MED12L: variants seen among roughly 807,000 people sequenced by gnomAD.
MED12L encodes mediator complex subunit 12L.
A neutral mutation model predicts 281.3 loss-of-function variants in MED12L; 60 were observed. That is an observed-to-expected ratio of 0.21 (90% CI 0.17 to 0.26). MED12L has a LOEUF of 0.26. Among genes scored for constraint, MED12L ranks in the 10% least tolerant of loss-of-function variants. The pLI is 1.00. For synonymous variants in MED12L, 974 were observed against 987.2 expected (o/e 0.99, Z 0.25); for missense variants, 2,146 against 2,680.9 (o/e 0.80, Z 4.41).
chr3:151,382,072 T>C (rs1380179261), intron 32 of MED12L, among the ~76,000 whole-genome samples: 1 of 152,186 alleles, frequency 6.6e-6, no homozygotes, highest in African/African-American at 2.4e-5. Flanking sequence ...AATTTTTCCT[T>C]TTCCAGCATT....
At chr3:151,112,845 A>G (rs972704263) in intron 2 of MED12L, among the ~76,000 whole-genome samples, 4 of 152,210 alleles carry the variant, frequency 2.6e-5, no homozygotes, top group African/African-American at 9.6e-5. Context: ...GTAGTGACTC[A>G]GAATATGCTC....
At chr3:151,087,616 T>A (rs1477636216) in intron 2 of MED12L, among the ~76,000 whole-genome samples, 1 of 152,176 alleles carries the variant, frequency 6.6e-6, no homozygotes, top group Admixed American at 6.5e-5. Context: ...CTAGAGGCAA[T>A]GGGCTTAATT....
intron 16 of MED12L, chr3:151,316,380 A>ATATG (rs1748238298): frequency 6.6e-6 from 1 of 152,198 alleles, no homozygotes; most frequent in Non-Finnish European, 1.5e-5. Flanking sequence ...TGAAGGCACA[A>ATATG]TATGTAGTTT....
chr3:151,247,272 C>G (rs1735759372), intron 16 of MED12L, among the ~76,000 whole-genome samples: 1 of 151,972 alleles, frequency 6.6e-6, no homozygotes, highest in Admixed American at 6.5e-5. Flanking sequence ...GGTATATACC[C>G]AAAGGATTAT....
intron 16 of MED12L, among the ~76,000 whole-genome samples, chr3:151,285,256 G>A (rs1487092958): frequency 6.6e-6 from 1 of 151,950 alleles, no homozygotes; most frequent in Non-Finnish European, 1.5e-5. Context: ...AGGCTGAGGT[G>A]GGCAGATCAC....
intron 16 of MED12L, among the ~76,000 whole-genome samples, chr3:151,252,898 G>A (rs1920395): frequency 0.37 from 55,662 of 151,830 alleles, 10,489 homozygotes; most frequent in East Asian, 0.6. Flanking sequence ...TTGATTTAAA[G>A]CAATGACTGT....
chr3:151,155,250 T>C (rs1464548467), intron 5 of MED12L, among the ~76,000 whole-genome samples: 1 of 152,246 alleles, frequency 6.6e-6, no homozygotes, highest in Non-Finnish European at 1.5e-5. Context: ...TGGGGAAATT[T>C]GGCTGTGAGC....
chr3:151,383,237 G>A (rs1386931879), intron 33 of MED12L, among the ~76,000 whole-genome samples: 1 of 152,154 alleles, frequency 6.6e-6, no homozygotes, highest in Admixed American at 6.5e-5. Context: ...CCCAAGTGCA[G>A]GCCCCTCTGG....
At chr3:151,229,218 C>T (rs1577041094) in intron 16 of MED12L, among the ~76,000 whole-genome samples, 1 of 152,060 alleles carries the variant, frequency 6.6e-6, no homozygotes, top group South Asian at 2.1e-4. Flanking sequence ...TGTATGTTTC[C>T]TCCCTGTTTT....
intron 5 of MED12L, among the ~76,000 whole-genome samples, chr3:151,135,919 A>G (rs775958472): frequency 2.0e-5 from 3 of 152,338 alleles, no homozygotes; most frequent in Admixed American, 1.3e-4. Flanking sequence ...TGGGTATTCA[A>G]TATGGTGAAA....
chr3:151,141,187 G>GTTTTTTTGTTTTTTTTTTTTTTTTTTTTT (rs376743895), intron 5 of MED12L, among the ~76,000 whole-genome samples: 4 of 99,104 alleles, frequency 4.0e-5, no homozygotes, highest in Non-Finnish European at 5.6e-5. Context: ...TGTTTTTTTT[G>GTTTTTTTGTTTTTTTTTTTTTTTTTTTTT]TTTTTTTTTT....
At chr3:151,148,623 T>G (rs186163987) in intron 5 of MED12L, among the ~76,000 whole-genome samples, 1 of 152,216 alleles carries the variant, frequency 6.6e-6, no homozygotes, top group Admixed American at 6.5e-5. Context: ...CCATCACCTC[T>G]GACTTAAAGT....
intron 16 of MED12L, among the ~76,000 whole-genome samples, chr3:151,330,085 G>T (rs1577347026): frequency 6.6e-6 from 1 of 152,110 alleles, no homozygotes; most frequent in East Asian, 1.9e-4. Flanking sequence ...CCAATTAATT[G>T]GGATTAGATT....
At chr3:151,240,876 T>G (rs1364642517) in intron 16 of MED12L, among the ~76,000 whole-genome samples, 1 of 152,240 alleles carries the variant, frequency 6.6e-6, no homozygotes, top group Non-Finnish European at 1.5e-5. Flanking sequence ...GACTTTATTC[T>G]TCAAGTACCA....
At chr3:151,346,120 AT>A (rs1752507192) in intron 16 of MED12L, among the ~76,000 whole-genome samples, 1 of 152,176 alleles carries the variant, frequency 6.6e-6, no homozygotes, top group African/African-American at 2.4e-5. Flanking sequence ...CCAAGGAATG[AT>A]TTGAGCTTCT....
intron 16 of MED12L, among the ~76,000 whole-genome samples, chr3:151,335,343 A>G (rs1187977734): frequency 6.6e-6 from 1 of 152,212 alleles, no homozygotes; most frequent in Non-Finnish European, 1.5e-5. Context: ...TTATGTATCC[A>G]TAACAATTAA....
At chr3:151,417,597 T>C (rs1395438486) in intron 43 of MED12L, among the ~76,000 whole-genome samples, 1 of 146,356 alleles carries the variant, frequency 6.8e-6, no homozygotes, top group African/African-American at 2.5e-5. Context: ...GCAATTCTCC[T>C]GCCTCAGCCT....
intron 16 of MED12L, chr3:151,337,633 C>T (rs767962): frequency 3.2e-6 from 2 of 629,754 alleles, no homozygotes; most frequent in Middle Eastern, 4.3e-4. Flanking sequence ...GATTAGTTTT[C>T]TATATTTTAA....
chr3:151,384,203 A>G lies in MED12L; in HGVS notation c.4911A>G (p.Leu1637=). ...AGAACAAGCGTGCATACATGAATTT[A>G]GTAAAGAAACTGAAAGTAAGTTTGA... ...SEENKRAYMN[L]VKKLKKELGD... The change falls in exon 35 of 45, where the codon TTA becomes TTG. Residue 1637 remains leucine, a synonymous_variant. Transcript: ENST00000687756. The G allele has an allele frequency of 1.2e-6, 2 of 1,605,858 alleles. No individual in the cohort carries two copies. The highest frequency in any genetic ancestry group is 1.7e-6 in the Non-Finnish European group (2 of 1,177,712).
Sources: allele counts gnomAD v4.1 joint callset (sites outside exome capture counted in the v4.1 genomes callset), GRCh38; gene constraint gnomAD v4.1.1; transcripts MANE v1.5; gene names NCBI Gene and HGNC (gene_info 2026-07-23, HGNC 2026-07-21).